GSE1: variants seen among roughly 807,000 people sequenced by gnomAD.
GSE1 encodes the protein Gse1 coiled-coil protein, also known as genetic suppressor element 1.
In GSE1, 32 loss-of-function variants were observed where a neutral mutation model predicts 112.6. The ratio of observed to expected loss-of-function variants is 0.28; its 90% confidence interval spans 0.21 to 0.38. The LOEUF is 0.38. GSE1 is among the 10% of genes least tolerant of loss of function. The pLI is 1.00. For synonymous variants in GSE1, 1,115 were observed against 735.6 expected (o/e 1.52, Z -8.35); for missense variants, 2,348 against 1,699.2 (o/e 1.38, Z -6.71).
At chr16:85,412,852 C>T (rs993096032) in intron 2 of GSE1, among the ~76,000 whole-genome samples, 2 of 152,248 alleles carry the variant, frequency 1.3e-5, no homozygotes, top group Non-Finnish European at 2.9e-5. Flanking sequence ...TATAAAGCCG[C>T]ATTCACAGGT....
At chr16:85,382,975 T>A in intron 2 of GSE1, among the ~76,000 whole-genome samples, 1 of 142,650 alleles carries the variant, frequency 7.0e-6, no homozygotes, top group African/African-American at 2.8e-5. Flanking sequence ...ACATGCACGC[T>A]CACACGCACA....
At chr16:85,183,430 A>G (rs1355284489) in intron 1 of GSE1, among the ~76,000 whole-genome samples, 1 of 152,084 alleles carries the variant, frequency 6.6e-6, no homozygotes, top group Non-Finnish European at 1.5e-5. Flanking sequence ...GTGGCTGGGG[A>G]GGAAAGGTAC....
intron 2 of GSE1, among the ~76,000 whole-genome samples, chr16:85,476,765 C>T (rs928571272): frequency 3.4e-5 from 5 of 148,600 alleles, no homozygotes; most frequent in Non-Finnish European, 4.4e-5. Flanking sequence ...TGCACCACCA[C>T]GCCTGACCAT....
chr16:85,615,793 C>G (rs1279624965), intron 1 of GSE1, among the ~76,000 whole-genome samples: 1 of 152,220 alleles, frequency 6.6e-6, no homozygotes, highest in African/African-American at 2.4e-5. Context: ...GCTGGCCAGG[C>G]CTTTCCAAGC....
At chr16:85,270,802 G>A (rs1355119076) in intron 1 of GSE1, among the ~76,000 whole-genome samples, 4 of 152,106 alleles carry the variant, frequency 2.6e-5, no homozygotes, top group South Asian at 2.1e-4. Context: ...CCATCCACTC[G>A]GGAAAGAGCA....
intron 1 of GSE1, among the ~76,000 whole-genome samples, chr16:85,314,758 G>C (rs2045952528): frequency 6.6e-6 from 1 of 152,184 alleles, no homozygotes; most frequent in African/African-American, 2.4e-5. Flanking sequence ...TTCTCCTGCT[G>C]TTTCTCATCT....
intron 2 of GSE1, among the ~76,000 whole-genome samples, chr16:85,372,077 G>A (rs2047313187): frequency 6.6e-6 from 1 of 152,228 alleles, no homozygotes; most frequent in African/African-American, 2.4e-5. Context: ...ACCAGGTGGG[G>A]TGTAAGCGGC....
chr16:85,626,208 C>A lies in GSE1; in HGVS notation c.8-7706C>A, dbSNP rs547146876. On this transcript the variant is annotated intron_variant, in intron 1 of 15. Coordinates refer to ENST00000253458, the MANE Select transcript of GSE1 (RefSeq NM_014615.5). ...GAGCAAGAAGACCTCTCCCCAGGGT[C>A]TCCCCGCCCCCTCCCTTGCCTCCAC... Among the ~76,000 whole-genome samples, 249 of 152,152 alleles carry A rather than the reference C, an allele frequency of 1.6e-3. 1 individual carries two copies. Among genetic ancestry groups the A allele is most frequent in the African/African-American group, 5.7e-3 (237 of 41,524 alleles).
chr16:85,552,889 T>G (rs2044995122), upstream of GSE1, among the ~76,000 whole-genome samples: 1 of 152,242 alleles, frequency 6.6e-6, no homozygotes, highest in Non-Finnish European at 1.5e-5. Context: ...TGTAATGACA[T>G]GTTTGCAAAT....
chr16:85,376,775 G>A (rs534199692), intron 2 of GSE1, among the ~76,000 whole-genome samples: 54 of 152,072 alleles, frequency 3.6e-4, no homozygotes, highest in Non-Finnish European at 6.2e-4. Context: ...CAGAGAGCAG[G>A]GGGCTGGGGC....
chr16:85,282,813 T>C (rs535848901), intron 1 of GSE1: 27 of 152,404 alleles, frequency 1.8e-4, no homozygotes, highest in African/African-American at 6.0e-4. Context: ...GTATTAATTA[T>C]CTAGTGCTGC....
chr16:85,654,645 C>G (rs2287986), intron 4 of GSE1, 149 bp from the exon 5 acceptor site: 4 of 714,276 alleles, frequency 5.6e-6, no homozygotes, highest in Non-Finnish European at 9.7e-6. Flanking sequence ...TCGCTCCCCC[C>G]GCTGCTTAAG....
At chr16:85,228,023 C>A (rs184948047) in intron 1 of GSE1, among the ~76,000 whole-genome samples, 7 of 152,158 alleles carry the variant, frequency 4.6e-5, no homozygotes, top group African/African-American at 1.7e-4. Context: ...GCTGGGAGGG[C>A]CCCTCTGTGG....
chr16:85,478,899 CTTTCTTTCTTTCTTTCTT>C lies in GSE1; in HGVS notation c.2464+121258_2464+121275del, dbSNP rs1567520580. On this transcript the variant is annotated intron_variant, in intron 2 of 2. Coordinates refer to the GSE1 transcript ENST00000637419. The stretch of plus-strand genomic sequence containing the variant: ...TCTTTCTTTCTTTCTTTCTTTCTTT[CTTTCTTTCTTTCTTTCTT>C]TCTTTCTTTCTCTTTCTTTCTTTCT... 5.6e-4 allele frequency among the ~76,000 whole-genome samples: 43 copies of C among 76,652 alleles called. 1 individual carries two copies. Among genetic ancestry groups the C allele is most frequent in the African/African-American group, 2.8e-3 (43 of 15,412 alleles). 50.3% of individuals were successfully genotyped at this position (76,652 alleles called of 152,430 possible). A position where few individuals can be genotyped will look rare whatever the true frequency, so the allele number is the denominator to read the frequency against.
chr16:85,655,027 C>G, intron 5 of GSE1, 36 bp downstream of exon 5: 1 of 1,329,732 alleles, frequency 7.5e-7, no homozygotes, highest in Non-Finnish European at 1.1e-6. Flanking sequence ...CGTCTAGGTG[C>G]TGGCCTGTTC....
chr16:85,482,476 C>T (rs1185411279), intron 2 of GSE1, among the ~76,000 whole-genome samples: 1 of 149,580 alleles, frequency 6.7e-6, no homozygotes, highest in Non-Finnish European at 1.5e-5. Context: ...TGCAGCGGGT[C>T]CCTCAGCCTC....
At position 85,535,923 on chromosome 16, in the gene GSE1, G is replaced by A. The variant is rs549482756; in HGVS notation, c.2465-97991G>A. ...GACGGGCATTCATTGGGCACCTGCT[G>A]TATACCCGGAAAGCATTTATTGAGC... On this transcript the variant is annotated intron_variant, in intron 2 of 2. Transcript: ENST00000637419. 1.6e-3 allele frequency among the ~76,000 whole-genome samples: 251 copies of A among 152,334 alleles called. 1 individual carries two copies. The highest frequency in any genetic ancestry group is 5.7e-3 in the African/African-American group (237 of 41,576).
In GSE1 at chr16:85,656,519, G is replaced by C. The variant is rs62639323; in HGVS notation, c.1166G>C (p.Arg389Pro). ...KERERELERQ[R>P]EQRAREKELL... ...CGCGAGCGCGAGCTGGAGCGCCAGC[G>C]GGAGCAGCGGGCCCGGGAGAAGGAG... The change falls in exon 7 of 16, where the codon CGG becomes CCG. Residue 389 changes from arginine to proline, a missense_variant. Coordinates refer to ENST00000253458, the MANE Select transcript of GSE1 (RefSeq NM_014615.5). 6.5e-7 allele frequency: 1 copy of C among 1,549,224 alleles called. No individual in the cohort carries two copies. The highest frequency in any genetic ancestry group is 2.0e-5 in the Admixed American group (1 of 51,012).
At chr16:85,448,894 G>A (rs565251447) in intron 2 of GSE1, among the ~76,000 whole-genome samples, 1 of 152,224 alleles carries the variant, frequency 6.6e-6, no homozygotes, top group Non-Finnish European at 1.5e-5. Context: ...CTCCGGTTTT[G>A]GGTCAGAAAG....
Sources: gnomAD v4.1 joint callset for allele counts (sites outside exome capture counted in the v4.1 genomes callset) on GRCh38, gnomAD v4.1.1 for gene constraint, MANE v1.5 for transcripts, NCBI Gene and HGNC (gene_info 2026-07-23, HGNC 2026-07-21) for gene names.